The following DEPDC5 variants were observed in gnomAD, a reference collection of about 807,000 sequenced individuals.
The protein encoded by DEPDC5 is DEP domain containing 5, GATOR1 subcomplex subunit, also known as GATOR1 complex protein DEPDC5.
In DEPDC5, 73 loss-of-function variants were observed where a neutral mutation model predicts 217.3. The observed-to-expected ratio is 0.34, with a 90% CI of 0.28 to 0.41. The LOEUF is 0.41. Among genes scored for constraint, DEPDC5 ranks in the 10% least tolerant of loss-of-function variants. The probability of loss-of-function intolerance (pLI) is 1.00; values close to 1 mark genes in which losing one functional copy is unlikely to be tolerated. For missense variants in DEPDC5, 1,675 were observed against 2,070.1 expected, an observed-to-expected ratio of 0.81 and a Z score of 3.70; for synonymous variants, 733 against 756.7, an observed-to-expected ratio of 0.97 and a Z score of 0.51.
chr22:31,779,874 G>A (rs1185914593), intron 8 of DEPDC5, among the ~76,000 whole-genome samples: 1 of 152,136 alleles, frequency 6.6e-6, no homozygotes, highest in Non-Finnish European at 1.5e-5. Context: ...TCCAGGCAGA[G>A]GAGAGAGGAA....
At chr22:31,756,833 A>G (rs1339322215) in intron 2 of DEPDC5, among the ~76,000 whole-genome samples, 1 of 151,922 alleles carries the variant, frequency 6.6e-6, no homozygotes, top group Non-Finnish European at 1.5e-5. Flanking sequence ...AGGCACGAGA[A>G]TTGCTTGAAC....
chr22:31,851,962 G>A (rs1464419742), intron 31 of DEPDC5, among the ~76,000 whole-genome samples: 2 of 152,126 alleles, frequency 1.3e-5, no homozygotes, highest in East Asian at 1.9e-4. Context: ...AGACTGAGAG[G>A]TCAGGGTTAC....
intron 17 of DEPDC5, among the ~76,000 whole-genome samples, chr22:31,805,764 A>G (rs1410860307): frequency 6.6e-6 from 1 of 152,130 alleles, no homozygotes; most frequent in Non-Finnish European, 1.5e-5. Flanking sequence ...AGTTTATACT[A>G]TTTGATATCA....
chr22:31,810,005 C>A (rs1232796180), intron 19 of DEPDC5, among the ~76,000 whole-genome samples: 2 of 151,972 alleles, frequency 1.3e-5, no homozygotes, highest in Non-Finnish European at 2.9e-5. Context: ...ATCAGCTAAC[C>A]CATGACAACA....
At chr22:31,790,595 G>A (rs1230741859) in intron 10 of DEPDC5, among the ~76,000 whole-genome samples, 1 of 152,110 alleles carries the variant, frequency 6.6e-6, no homozygotes, top group Non-Finnish European at 1.5e-5. Context: ...TGCTGTTCTT[G>A]TTCCCTAGAC....
chr22:31,755,063 G>A (rs955975377), intron 2 of DEPDC5, 84 bp downstream of exon 2: 6 of 1,516,046 alleles, frequency 4.0e-6, no homozygotes, highest in East Asian at 4.5e-5. Context: ...ACACTGACTC[G>A]TGTGACAATT....
rs144474692 is a variant in DEPDC5 at position 31,798,152 on chromosome 22, G to C, written c.872-430G>C. ...TGACCAGGCTTGTTTCAAACTCCTC[G>C]TCTTAAGCGATCTTCCTGCCTCCAC... On this transcript the variant is annotated intron_variant, in intron 13 of 42. Coordinates refer to ENST00000651528, the MANE Select transcript of DEPDC5 (RefSeq NM_001242896.3). Among the ~76,000 whole-genome samples, 58 of 152,070 alleles carry C rather than the reference G, an allele frequency of 3.8e-4. 1 individual carries two copies. The East Asian group carries it at 9.5e-3, about 25-fold the overall frequency.
At position 31,763,043 on chromosome 22, in the gene DEPDC5, C is replaced by T. The variant is rs117019714; in HGVS notation, c.194-1932C>T. On this transcript the variant is annotated intron_variant, in intron 4 of 42. Coordinates refer to ENST00000651528, the MANE Select transcript of DEPDC5 (RefSeq NM_001242896.3). The stretch of plus-strand genomic sequence containing the variant: ...TCTCACTCTGTCACCCAGGCTGGAA[C>T]GCAATGACATGGTCTCAGCTCACTG... 6.2e-3 allele frequency among the ~76,000 whole-genome samples: 939 copies of T among 151,454 alleles called. 4 individuals carry two copies. The highest frequency in any genetic ancestry group is 0.01 in the Non-Finnish European group (700 of 67,822).
intron 7 of DEPDC5, among the ~76,000 whole-genome samples, chr22:31,774,095 C>G (rs2083598665): frequency 1.3e-5 from 2 of 151,898 alleles, no homozygotes; most frequent in Non-Finnish European, 2.9e-5. Flanking sequence ...AAAACAACAA[C>G]AACAACAAAA....
In DEPDC5 at chr22:31,864,526, T is replaced by TA. The variant is rs1335760559; in HGVS notation, c.3330+3093_3330+3094insA. 7.6e-3 allele frequency among the ~76,000 whole-genome samples: 894 copies of TA among 117,788 alleles called. 13 individuals are homozygous for TA. Among genetic ancestry groups the TA allele is most frequent in the Admixed American group, 0.011 (122 of 11,346 alleles). The allele number at this position is 117,788 out of a possible 152,430, so 77.3% of individuals were successfully genotyped here. A position where few individuals can be genotyped will look rare whatever the true frequency, so the allele number is the denominator to read the frequency against. On this transcript the variant is annotated intron_variant, in intron 33 of 42. Coordinates refer to ENST00000651528, the MANE Select transcript of DEPDC5 (RefSeq NM_001242896.3). ...AATATATATATATATATATATATAT[T>TA]TATATATTTATTTATTTACTGTGTG...
At chr22:31,823,665 G>A (rs2089910920) in intron 24 of DEPDC5, among the ~76,000 whole-genome samples, 1 of 152,054 alleles carries the variant, frequency 6.6e-6, no homozygotes, top group African/African-American at 2.4e-5. Flanking sequence ...GGTTTGGTAT[G>A]ATACTTTGGT....
intron 31 of DEPDC5, among the ~76,000 whole-genome samples, chr22:31,849,132 A>G (rs1175822816): frequency 6.6e-6 from 1 of 152,176 alleles, no homozygotes; most frequent in Non-Finnish European, 1.5e-5. Flanking sequence ...GTCACTGGGA[A>G]GTTCCAAACT....
At chr22:31,829,141 T>G (rs547981393) in intron 24 of DEPDC5, among the ~76,000 whole-genome samples, 70 of 152,242 alleles carry the variant, frequency 4.6e-4, no homozygotes, top group African/African-American at 1.6e-3. Flanking sequence ...GGATCAAAAG[T>G]AGGTTGGGTA....
intron 25 of DEPDC5, among the ~76,000 whole-genome samples, chr22:31,835,953 G>A (rs531873301): frequency 2.2e-3 from 336 of 152,312 alleles, no homozygotes; most frequent in African/African-American, 7.9e-3. Flanking sequence ...TGTTAGCATG[G>A]TACAAAAATA....
At chr22:31,813,322 AAGATGACAAGACCT>A (rs2148737900) in intron 20 of DEPDC5, among the ~76,000 whole-genome samples, 1 of 152,264 alleles carries the variant, frequency 6.6e-6, no homozygotes, top group African/African-American at 2.4e-5. Flanking sequence ...TTTCTAATTA[AAGATGACAAGACCT>A]GGTGGTACCC....
At chr22:31,761,422 G>A (rs2082376064) in intron 4 of DEPDC5, among the ~76,000 whole-genome samples, 1 of 152,026 alleles carries the variant, frequency 6.6e-6, no homozygotes, top group South Asian at 2.1e-4. Context: ...TTAGGATAAT[G>A]GTGGCCTCCA....
rs996673753 is a variant in DEPDC5 at position 31,764,887 on chromosome 22, CTTACTGAGTTGA to C, written c.194-87_194-76del. ...CCGTGTCAGATGATCAATTGTGTTG[CTTACTGAGTTGA>C]GTGTTTATAGATTAGAATATATGGA... is the stretch of plus-strand genomic sequence containing the variant. On this transcript the variant is annotated intron_variant, in intron 4 of 42. Transcript: ENST00000651528. 3.3e-5 allele frequency: 31 copies of C among 928,810 alleles called. 1 individual carries two copies. In the African/African-American group the frequency reaches 4.5e-4, roughly 14 times the overall value. The allele number at this position is 928,810 out of a possible 1,614,324, so 57.5% of individuals were successfully genotyped here. A position where few individuals can be genotyped will look rare whatever the true frequency, so the allele number is the denominator to read the frequency against.
intron 14 of DEPDC5, among the ~76,000 whole-genome samples, chr22:31,799,023 T>C (rs2148591811): frequency 6.6e-6 from 1 of 151,980 alleles, no homozygotes; most frequent in Admixed American, 6.6e-5. Context: ...GAATCTATAT[T>C]ATTATCTTTA....
At chr22:31,904,798 C>T (rs1022740831) in intron 41 of DEPDC5, among the ~76,000 whole-genome samples, 3 of 152,166 alleles carry the variant, frequency 2.0e-5, no homozygotes, top group Admixed American at 2.0e-4. Flanking sequence ...AGCCTGTAGA[C>T]AGGGAGCTTA....
Sources: allele counts gnomAD v4.1 joint callset (sites outside exome capture counted in the v4.1 genomes callset), GRCh38; gene constraint gnomAD v4.1.1; transcripts MANE v1.5; gene names NCBI Gene and HGNC (gene_info 2026-07-23, HGNC 2026-07-21).